The following DSCAM variants were observed in gnomAD, a reference collection of about 807,000 sequenced individuals.
DSCAM encodes cell adhesion molecule DSCAM.
In DSCAM, 47 loss-of-function variants were observed where a neutral mutation model predicts 217.7. That is an observed-to-expected ratio of 0.22 (90% CI 0.17 to 0.28). The LOEUF (loss-of-function observed/expected upper bound fraction) is 0.28, where lower values mean the gene tolerates loss of function less well. Ranked by LOEUF, DSCAM falls within the 10% of genes least tolerant of loss-of-function variation. The pLI, the probability that DSCAM is intolerant of heterozygous loss-of-function variation, is 1.00. For missense variants in DSCAM, 2,080 were observed against 2,618.3 expected, an observed-to-expected ratio of 0.79 and a Z score of 4.49; for synonymous variants, 1,056 against 1,015.3, an observed-to-expected ratio of 1.04 and a Z score of -0.76.
chr21:40,178,899 G>T, intron 15 of DSCAM, 28 bp downstream of exon 15: 1 of 1,612,112 alleles, frequency 6.2e-7, no homozygotes, highest in South Asian at 1.1e-5. Context: ...GGCTCCTCTG[G>T]AGCAAGGTTC....
intron 11 of DSCAM, among the ~76,000 whole-genome samples, chr21:40,261,789 C>T (rs1330414608): frequency 6.6e-6 from 1 of 152,040 alleles, no homozygotes; most frequent in African/African-American, 2.4e-5. Context: ...CTTTGTTACT[C>T]TGGAGAACCC....
chr21:40,512,089 T>C (rs1227032248), intron 3 of DSCAM, among the ~76,000 whole-genome samples: 6 of 149,918 alleles, frequency 4.0e-5, no homozygotes. Flanking sequence ...GCAAGGGAGA[T>C]AGGTTACACT....
chr21:40,677,196 C>T (rs1278020675), intron 3 of DSCAM, among the ~76,000 whole-genome samples: 1 of 139,184 alleles, frequency 7.2e-6, no homozygotes, highest in East Asian at 2.2e-4. Context: ...TGGTACAATG[C>T]AATGGGCATA....
At chr21:40,595,382 A>AAAAAGAAAAG (rs3070784) in intron 3 of DSCAM, among the ~76,000 whole-genome samples, 1 of 150,428 alleles carries the variant, frequency 6.6e-6, no homozygotes, top group Non-Finnish European at 1.5e-5. Flanking sequence ...TGTCTCAAAA[A>AAAAAGAAAAG]AAAAGAAAAG....
intron 20 of DSCAM, among the ~76,000 whole-genome samples, chr21:40,099,251 G>A (rs779078105): frequency 5.9e-5 from 9 of 152,190 alleles, no homozygotes; most frequent in Non-Finnish European, 1.0e-4. Context: ...ATTTTTGCCT[G>A]TAACATAATG....
At chr21:40,817,603 G>A (rs2091890959) in intron 1 of DSCAM, among the ~76,000 whole-genome samples, 1 of 152,094 alleles carries the variant, frequency 6.6e-6, no homozygotes, top group African/African-American at 2.4e-5. Context: ...ATTGTGCCAT[G>A]ATGCATAATA....
At chr21:40,718,752 G>A (rs771219483) in intron 1 of DSCAM, among the ~76,000 whole-genome samples, 2 of 152,082 alleles carry the variant, frequency 1.3e-5, no homozygotes, top group Non-Finnish European at 2.9e-5. Flanking sequence ...TTATAAGGTA[G>A]GAAAATATCT....
At chr21:40,412,778 G>A (rs2075334831) in intron 3 of DSCAM, among the ~76,000 whole-genome samples, 1 of 152,170 alleles carries the variant, frequency 6.6e-6, no homozygotes, top group Non-Finnish European at 1.5e-5. Context: ...AAGTAACTAG[G>A]AGCCAAATGT....
At chr21:40,806,686 A>T (rs947000901) in intron 1 of DSCAM, among the ~76,000 whole-genome samples, 1 of 152,232 alleles carries the variant, frequency 6.6e-6, no homozygotes, top group Non-Finnish European at 1.5e-5. Context: ...CACTGTTCAC[A>T]ATAGCAAATA....
intron 32 of DSCAM, among the ~76,000 whole-genome samples, chr21:40,036,375 A>G (rs201927601): frequency 0.02 from 2,549 of 128,180 alleles, 122 homozygotes; most frequent in South Asian, 0.044. Context: ...CCATCAGAGA[A>G]TACTACAAAC....
intron 27 of DSCAM, among the ~76,000 whole-genome samples, chr21:40,063,151 C>T (rs1396026627): frequency 6.6e-6 from 1 of 152,166 alleles, no homozygotes; most frequent in Non-Finnish European, 1.5e-5. Context: ...CAGACATCTA[C>T]TAAATGTTTT....
intron 3 of DSCAM, among the ~76,000 whole-genome samples, chr21:40,569,998 G>C (rs2076793856): frequency 6.6e-6 from 1 of 152,182 alleles, no homozygotes; most frequent in African/African-American, 2.4e-5. Flanking sequence ...GAGTGCAGGA[G>C]AACTGAGGTG....
chr21:40,709,623 A>G (rs950833467), intron 1 of DSCAM, among the ~76,000 whole-genome samples: 4 of 152,060 alleles, frequency 2.6e-5, no homozygotes, highest in Non-Finnish European at 4.4e-5. Context: ...GTTTGTTGAG[A>G]ATGATGGTTT....
intron 3 of DSCAM, among the ~76,000 whole-genome samples, chr21:40,658,333 C>T (rs1307939404): frequency 6.6e-6 from 1 of 152,224 alleles, no homozygotes; most frequent in South Asian, 2.1e-4. Flanking sequence ...TGTGAAGACA[C>T]TGACCTTCTA....
intron 1 of DSCAM, among the ~76,000 whole-genome samples, chr21:40,710,448 T>G (rs2090767905): frequency 6.6e-6 from 1 of 152,248 alleles, no homozygotes; most frequent in African/African-American, 2.4e-5. Flanking sequence ...ATGTACCATT[T>G]TTATAACTGT....
chr21:40,734,275 G>T (rs988985310), intron 1 of DSCAM, among the ~76,000 whole-genome samples: 1 of 152,086 alleles, frequency 6.6e-6, no homozygotes, highest in Non-Finnish European at 1.5e-5. Context: ...TCAAGCTACG[G>T]GGCTACAAGA....
chr21:40,583,664 A>G (rs750914302), intron 3 of DSCAM, among the ~76,000 whole-genome samples: 1 of 152,226 alleles, frequency 6.6e-6, no homozygotes, highest in African/African-American at 2.4e-5. Context: ...AAATTCCTTG[A>G]GTCTTTCAAA....
At chr21:40,236,597 G>T (rs2073082643) in intron 11 of DSCAM, among the ~76,000 whole-genome samples, 1 of 152,148 alleles carries the variant, frequency 6.6e-6, no homozygotes, top group African/African-American at 2.4e-5. Context: ...GGGTCAGGCT[G>T]CCCAGACTCA....
chr21:40,337,972 A>T, intron 8 of DSCAM, 129 bp downstream of exon 8: 3 of 1,185,362 alleles, frequency 2.5e-6, no homozygotes, highest in Non-Finnish European at 2.4e-6. Context: ...GTTCCCTGTC[A>T]TTCTTCAGCC....
Sources: gnomAD v4.1 joint callset for allele counts (sites outside exome capture counted in the v4.1 genomes callset) on GRCh38, gnomAD v4.1.1 for gene constraint, MANE v1.5 for transcripts, NCBI Gene and HGNC (gene_info 2026-07-23, HGNC 2026-07-21) for gene names.